Variants in RSRC1 observed in about 807,000 individuals in gnomAD.
RSRC1 encodes arginine and serine rich coiled-coil 1.
In RSRC1, 39 loss-of-function variants were observed where a neutral mutation model predicts 49.1. The observed-to-expected ratio is 0.79, with a 90% CI of 0.61 to 1.04. RSRC1 has a LOEUF of 1.04. Ranked by LOEUF, RSRC1 falls within the 50% of genes least tolerant of loss-of-function variation. The pLI, the probability that RSRC1 is intolerant of heterozygous loss-of-function variation, is 0.00. For synonymous variants in RSRC1, 143 were observed against 130.8 expected, an observed-to-expected ratio of 1.09 and a Z score of -0.63; for missense variants, 388 against 402.4, an observed-to-expected ratio of 0.96 and a Z score of 0.31.
At chr3:158,512,432 C>T (rs886486990) in intron 7 of RSRC1, among the ~76,000 whole-genome samples, 38 of 149,966 alleles carry the variant, frequency 2.5e-4, no homozygotes, top group African/African-American at 5.4e-4. Flanking sequence ...TGTAGATATG[C>T]GGCGTTATTT....
intron 3 of RSRC1, among the ~76,000 whole-genome samples, chr3:158,182,524 G>T (rs975560973): frequency 6.6e-6 from 1 of 151,846 alleles, no homozygotes; most frequent in Non-Finnish European, 1.5e-5. Context: ...TGGTGTTCTG[G>T]GCTCTTTGTC....
intron 3 of RSRC1, among the ~76,000 whole-genome samples, chr3:158,187,221 G>T (rs978606245): frequency 6.6e-6 from 1 of 151,968 alleles, no homozygotes; most frequent in Non-Finnish European, 1.5e-5. Context: ...ACAGCTATTT[G>T]TTTGAAACTG....
intron 3 of RSRC1, among the ~76,000 whole-genome samples, chr3:158,169,005 C>T (rs908526135): frequency 7.9e-5 from 12 of 151,986 alleles, no homozygotes; most frequent in East Asian, 3.9e-4. Context: ...TCGTTGTTCC[C>T]GCTCCCTATA....
intron 4 of RSRC1, among the ~76,000 whole-genome samples, chr3:158,257,904 G>A (rs1460957005): frequency 1.3e-5 from 2 of 152,056 alleles, no homozygotes; most frequent in Non-Finnish European, 2.9e-5. Context: ...AAAGAAACAA[G>A]CAAAGTGAAA....
chr3:158,369,763 A>G (rs1010674017), intron 6 of RSRC1, among the ~76,000 whole-genome samples: 15 of 152,062 alleles, frequency 9.9e-5, no homozygotes, highest in Non-Finnish European at 1.8e-4. Context: ...TTTGTTCTAT[A>G]TTTGTAAAGG....
chr3:158,499,249 C>T (rs770227583), intron 7 of RSRC1, among the ~76,000 whole-genome samples: 2 of 152,038 alleles, frequency 1.3e-5, no homozygotes, highest in Middle Eastern at 3.4e-3. Flanking sequence ...TGGTGGCACG[C>T]GCCTGTAATC....
chr3:158,300,848 C>T lies in RSRC1; in HGVS notation c.531+2773C>T, dbSNP rs550308509. 4.2e-4 allele frequency among the ~76,000 whole-genome samples: 64 copies of T among 152,118 alleles called. No individual in the cohort carries two copies. The Middle Eastern group carries it at 0.01, about 24-fold the overall frequency. On this transcript the variant is annotated intron_variant, in intron 5 of 9. Coordinates refer to ENST00000611884, the MANE Select transcript of RSRC1 (RefSeq NM_001271838.2). ...ATAAGTTAAGAAAAATTATATTTGT[C>T]GCTTGTTATACTTGCTACCAGGTAA...
At chr3:158,186,254 ATCTG>A (rs1719924719) in intron 3 of RSRC1, among the ~76,000 whole-genome samples, 2 of 152,086 alleles carry the variant, frequency 1.3e-5, no homozygotes, top group Non-Finnish European at 1.5e-5. Flanking sequence ...CTTGTTTAAA[ATCTG>A]TCTATTTGTT....
At chr3:158,282,957 A>G (rs995584444) in intron 4 of RSRC1, among the ~76,000 whole-genome samples, 1 of 152,196 alleles carries the variant, frequency 6.6e-6, no homozygotes, top group African/African-American at 2.4e-5. Flanking sequence ...AACATAGACA[A>G]AGTGGGGATA....
intron 4 of RSRC1, among the ~76,000 whole-genome samples, chr3:158,286,428 G>C (rs1726562626): frequency 6.6e-6 from 1 of 152,256 alleles, no homozygotes; most frequent in African/African-American, 2.4e-5. Context: ...ATTATGTAAA[G>C]CACTTGTTAC....
chr3:158,437,029 ATT>A (rs10575240), intron 6 of RSRC1, among the ~76,000 whole-genome samples: 78,039 of 151,312 alleles, frequency 0.52, 20,530 homozygotes, highest in South Asian at 0.6. Context: ...ATAGTAATTC[ATT>A]TTATGGCTAG....
At chr3:158,366,716 T>C (rs1483519363) in intron 6 of RSRC1, among the ~76,000 whole-genome samples, 4 of 152,306 alleles carry the variant, frequency 2.6e-5, no homozygotes, top group African/African-American at 7.2e-5. Flanking sequence ...GGGGATAGCA[T>C]TGAATCTATA....
rs552085843 is a variant in RSRC1, at chr3:158,144,747, C to A, written c.320+20756C>A. Reference sequence around the variant, plus strand: ...AATGGTTGAACTAGTTTACAGTCCCCCCAACAGTGTAAAAGTGTTCCTATT... The same window carrying A: ...AATGGTTGAACTAGTTTACAGTCCCACCAACAGTGTAAAAGTGTTCCTATT... On this transcript the variant is annotated intron_variant, in intron 3 of 9. Transcript: ENST00000611884. Among the ~76,000 whole-genome samples the A allele has an allele frequency of 3.7e-3, 559 of 152,170 alleles. 7 individuals are homozygous for A. Among genetic ancestry groups the A allele is most frequent in the African/African-American group, 0.013 (532 of 41,536 alleles).
At chr3:158,500,313 G>T (rs1055583204) in intron 7 of RSRC1, among the ~76,000 whole-genome samples, 1 of 152,066 alleles carries the variant, frequency 6.6e-6, no homozygotes, top group Non-Finnish European at 1.5e-5. Flanking sequence ...CAAGGATATC[G>T]GTCTGTAGTG....
At chr3:158,341,868 GGA>G (rs2108215866) in intron 5 of RSRC1, among the ~76,000 whole-genome samples, 1 of 152,302 alleles carries the variant, frequency 6.6e-6, no homozygotes, top group South Asian at 2.1e-4. Flanking sequence ...CAAGACCATG[GGA>G]ACCCACCTCT....
chr3:158,496,018 G>A (rs1411438660), intron 7 of RSRC1, among the ~76,000 whole-genome samples: 1 of 152,106 alleles, frequency 6.6e-6, no homozygotes, highest in Non-Finnish European at 1.5e-5. Flanking sequence ...AGGTACAAGT[G>A]TACATAAAAG....
chr3:158,496,749 T>C, intron 7 of RSRC1: 1 of 291,488 alleles, frequency 3.4e-6, no homozygotes, highest in Non-Finnish European at 7.2e-6. Context: ...TGGTGGCCCT[T>C]TGTGCTGAAC....
chr3:158,473,330 G>T (rs945358121), intron 7 of RSRC1, among the ~76,000 whole-genome samples: 1 of 152,146 alleles, frequency 6.6e-6, no homozygotes, highest in African/African-American at 2.4e-5. Context: ...ATACTATGCA[G>T]CCATAAAAAA....
chr3:158,348,186 T>C (rs1211564829), intron 5 of RSRC1, among the ~76,000 whole-genome samples: 1 of 152,210 alleles, frequency 6.6e-6, no homozygotes, highest in African/African-American at 2.4e-5. Flanking sequence ...AAAAGTGTTG[T>C]TGGCAGATGG....
Sources: allele counts gnomAD v4.1 joint callset (sites outside exome capture counted in the v4.1 genomes callset), GRCh38; gene constraint gnomAD v4.1.1; transcripts MANE v1.5; gene names NCBI Gene and HGNC (gene_info 2026-07-23, HGNC 2026-07-21).